The following DNM3 variants were observed in gnomAD, a reference collection of about 807,000 sequenced individuals.
DNM3 encodes dynamin-3.
Under a neutral mutation model 101.6 loss-of-function variants are expected in DNM3, and 47 were observed. The ratio of observed to expected loss-of-function variants is 0.46; its 90% CI spans 0.37 to 0.59. The LOEUF (loss-of-function observed/expected upper bound fraction) is 0.59. DNM3 is among the 20% of genes least tolerant of loss of function. The pLI is 0.00. For missense variants in DNM3, 849 were observed against 1,085.7 expected (o/e 0.78, Z 3.06); for synonymous variants, 385 against 387.9 (o/e 0.99, Z 0.09).
At chr1:172,196,901 C>T (rs1166868944) in intron 14 of DNM3, among the ~76,000 whole-genome samples, 10 of 152,098 alleles carry the variant, frequency 6.6e-5, no homozygotes, top group African/African-American at 2.4e-4. Flanking sequence ...TGCAGAAGCT[C>T]TTAAGTTTAA....
chr1:172,192,561 G>A (rs1311063605), intron 14 of DNM3, among the ~76,000 whole-genome samples: 1 of 125,734 alleles, frequency 8.0e-6, no homozygotes, highest in Non-Finnish European at 1.6e-5. Context: ...AGAGTGTGAT[G>A]TTCCCCTTCC....
intron 10 of DNM3, among the ~76,000 whole-genome samples, chr1:172,061,194 A>T (rs1388927397): frequency 1.3e-5 from 2 of 151,122 alleles, no homozygotes. Flanking sequence ...AAAGTCAGGA[A>T]ACAACAGGTG....
chr1:172,195,784 G>A (rs1315550587), intron 14 of DNM3, among the ~76,000 whole-genome samples: 1 of 151,676 alleles, frequency 6.6e-6, no homozygotes, highest in Non-Finnish European at 1.5e-5. Flanking sequence ...TGGTTATGAT[G>A]TGTAATTCTT....
intron 17 of DNM3, chr1:172,376,460 C>T (rs1350619783): frequency 2.0e-5 from 3 of 151,974 alleles, no homozygotes; most frequent in African/African-American, 7.2e-5. Flanking sequence ...AAAATATAGT[C>T]ATACACAATA....
At chr1:172,157,812 G>T (rs1572760691) in intron 14 of DNM3, among the ~76,000 whole-genome samples, 1 of 152,000 alleles carries the variant, frequency 6.6e-6, no homozygotes, top group East Asian at 1.9e-4. Context: ...TTATATAAGG[G>T]ACTTGAGTAT....
At chr1:172,088,171 T>C (rs1285060632) in intron 12 of DNM3, among the ~76,000 whole-genome samples, 1 of 152,170 alleles carries the variant, frequency 6.6e-6, no homozygotes, top group Non-Finnish European at 1.5e-5. Flanking sequence ...CTCTTGACTA[T>C]CAAGGAGCAG....
chr1:172,325,836 T>C (rs971439594), intron 17 of DNM3, among the ~76,000 whole-genome samples: 1 of 152,198 alleles, frequency 6.6e-6, no homozygotes, highest in African/African-American at 2.4e-5. Context: ...CATTTTATTA[T>C]ATATGCTATT....
At chr1:171,857,951 A>T (rs760092139) in intron 1 of DNM3, among the ~76,000 whole-genome samples, 6 of 152,170 alleles carry the variant, frequency 3.9e-5, no homozygotes, top group Admixed American at 2.0e-4. Flanking sequence ...AGAAGAGGCC[A>T]TGTGGATACA....
intron 20 of DNM3, among the ~76,000 whole-genome samples, chr1:172,398,017 T>G (rs141940694): frequency 1.3e-5 from 2 of 152,314 alleles, no homozygotes; most frequent in African/African-American, 4.8e-5. Flanking sequence ...CAGTTTTCAG[T>G]TAGAATGTTA....
intron 10 of DNM3, among the ~76,000 whole-genome samples, chr1:172,063,792 A>T (rs1430205711): frequency 2.6e-5 from 4 of 151,870 alleles, no homozygotes; most frequent in Non-Finnish European, 5.9e-5. Context: ...AAAAAAAAAA[A>T]AAAGAATATT....
chr1:172,127,384 A>ACTT (rs2056690251), intron 13 of DNM3, among the ~76,000 whole-genome samples: 2 of 115,644 alleles, frequency 1.7e-5, no homozygotes, highest in Admixed American at 9.7e-5. Flanking sequence ...CTTACTCTCT[A>ACTT]CTTATTATTA....
intron 10 of DNM3, among the ~76,000 whole-genome samples, chr1:172,056,136 G>A (rs1028757935): frequency 4.6e-5 from 7 of 152,212 alleles, no homozygotes; most frequent in Non-Finnish European, 8.8e-5. Context: ...TTTTCCGACA[G>A]GCTTAAAAAA....
intron 16 of DNM3, among the ~76,000 whole-genome samples, chr1:172,312,147 T>G (rs748561179): frequency 6.6e-6 from 1 of 152,214 alleles, no homozygotes; most frequent in East Asian, 1.9e-4. Context: ...TAGAAAGACT[T>G]GATGAAGTCA....
In DNM3 at chr1:172,405,615, T is replaced by C. The variant is rs562885610; in HGVS notation, c.2523-2157T>C. Among the ~76,000 whole-genome samples, 5 of 152,170 alleles carry C rather than the reference T, an allele frequency of 3.3e-5. No homozygotes were observed. In the South Asian group the frequency reaches 1.0e-3, roughly 32 times the overall value. Reference sequence around the variant, plus strand: ...ACTGAATTTGTAGTCTAAAATCAACTTTTTATTTAATGAAATCACCTAATT... The same window carrying C: ...ACTGAATTTGTAGTCTAAAATCAACCTTTTATTTAATGAAATCACCTAATT... On this transcript the variant is annotated intron_variant, in intron 20 of 20. Coordinates refer to ENST00000627582, the MANE Select transcript of DNM3 (RefSeq NM_015569.5).
chr1:171,866,495 G>A (rs1355922759), intron 1 of DNM3, among the ~76,000 whole-genome samples: 1 of 151,808 alleles, frequency 6.6e-6, no homozygotes, highest in East Asian at 1.9e-4. Context: ...TCTGTACTGA[G>A]TGTTTGCTAC....
At chr1:172,345,892 G>A (rs2066903948) in intron 17 of DNM3, among the ~76,000 whole-genome samples, 1 of 152,016 alleles carries the variant, frequency 6.6e-6, no homozygotes. Context: ...ATTAGCAGCC[G>A]GGCGGATCAC....
At chr1:172,360,240 A>T (rs2213733) in intron 17 of DNM3, among the ~76,000 whole-genome samples, 149,150 of 152,050 alleles carry the variant, frequency 0.98, 73,178 homozygotes, top group East Asian at 1. Context: ...CCCCAAATCA[A>T]TTTGGAATTA....
chr1:172,175,587 A>C (rs1443200835), intron 14 of DNM3, among the ~76,000 whole-genome samples: 2 of 151,774 alleles, frequency 1.3e-5, no homozygotes, highest in Non-Finnish European at 2.9e-5. Flanking sequence ...TGGTATAGAT[A>C]ATAAGTACAA....
At chr1:172,289,637 T>C in intron 15 of DNM3, 1 of 982,012 alleles carries the variant, frequency 1.0e-6, no homozygotes, top group South Asian at 4.7e-5. Context: ...ACTTGCTCAA[T>C]TTAATGCTGA....
Sources: gnomAD v4.1 joint callset for allele counts (sites outside exome capture counted in the v4.1 genomes callset) on GRCh38, gnomAD v4.1.1 for gene constraint, MANE v1.5 for transcripts, NCBI Gene and HGNC (gene_info 2026-07-23, HGNC 2026-07-21) for gene names.